USP43: variants seen among roughly 807,000 people sequenced by gnomAD.
The protein encoded by USP43 is ubiquitin carboxyl-terminal hydrolase 43.
Under a neutral mutation model 90.7 loss-of-function variants are expected in USP43, and 33 were observed. That is an observed-to-expected ratio of 0.36 (90% CI 0.28 to 0.49). USP43 has a LOEUF of 0.49. USP43 is among the 20% of genes least tolerant of loss of function. The probability of loss-of-function intolerance (pLI) is 0.98; values close to 1 mark genes in which losing one functional copy is unlikely to be tolerated. For synonymous variants in USP43, 598 were observed against 615.8 expected, an observed-to-expected ratio of 0.97 and a Z score of 0.43; for missense variants, 1,274 against 1,476.4, an observed-to-expected ratio of 0.86 and a Z score of 2.25.
At chr17:9,706,783 A>C (rs947686882) in intron 12 of USP43, among the ~76,000 whole-genome samples, 1 of 151,732 alleles carries the variant, frequency 6.6e-6, no homozygotes, top group Non-Finnish European at 1.5e-5. Flanking sequence ...AGCTGGGACT[A>C]CAGGCGGGTG....
rs149913558 is a variant in USP43, at chr17:9,711,786, A to G, written c.2171-182A>G. ...TCCCTAAACTTTTAAGCTTAGTCAC[A>G]TGGGAAACCCGATCACAGGTTTCCC... On this transcript the variant is annotated intron_variant, in intron 13 of 14. Coordinates refer to ENST00000285199, the MANE Select transcript of USP43 (RefSeq NM_153210.5). Among the ~76,000 whole-genome samples, 327 of 152,266 alleles carry G rather than the reference A, an allele frequency of 2.1e-3. 1 individual carries two copies. The highest frequency in any genetic ancestry group is 7.4e-3 in the African/African-American group (306 of 41,560).
At chr17:9,690,903 C>A (rs1914905382) in intron 8 of USP43, among the ~76,000 whole-genome samples, 1 of 152,042 alleles carries the variant, frequency 6.6e-6, no homozygotes, top group Non-Finnish European at 1.5e-5. Flanking sequence ...ACAAACTATA[C>A]CTATTAAACA....
intron 14 of USP43, among the ~76,000 whole-genome samples, chr17:9,726,587 T>C (rs1042335928): frequency 7.9e-5 from 12 of 152,124 alleles, no homozygotes; most frequent in African/African-American, 2.9e-4. Flanking sequence ...AACCTCTTCT[T>C]AGAAGGTCAC....
At chr17:9,708,791 C>G (rs373627020) in intron 12 of USP43, among the ~76,000 whole-genome samples, 6 of 152,178 alleles carry the variant, frequency 3.9e-5, no homozygotes, top group African/African-American at 1.4e-4. Context: ...CTACGCCCAG[C>G]TAATTTTTTG....
chr17:9,674,212 C>T lies in USP43; in HGVS notation c.741-679C>T, dbSNP rs72820042. 0.14 allele frequency among the ~76,000 whole-genome samples: 20,621 copies of T among 152,094 alleles called. 1,586 individuals carry two copies. The highest frequency in any genetic ancestry group is 0.29 in the East Asian group (1,475 of 5,154). On this transcript the variant is annotated intron_variant, in intron 3 of 14. Coordinates refer to ENST00000285199, the MANE Select transcript of USP43 (RefSeq NM_153210.5). This position sits in a 1 kb window ranked among gnomAD's most constrained non-coding sequence, Gnocchi z 4.4. ...ATGGCAGGGGCGGGTTATAGCTTCC[C>T]TTCCCATACTCAGTGCATTTATGTG...
At chr17:9,648,729 A>C (rs1310044107) in intron 1 of USP43, among the ~76,000 whole-genome samples, 1 of 151,938 alleles carries the variant, frequency 6.6e-6, no homozygotes, top group Admixed American at 6.6e-5. Flanking sequence ...GGGCCGAGAG[A>C]CCTTCAGTTC....
chr17:9,719,653 C>T (rs952411184), intron 14 of USP43, among the ~76,000 whole-genome samples: 11 of 152,184 alleles, frequency 7.2e-5, no homozygotes, highest in Admixed American at 3.3e-4. Context: ...AGATTAGAGT[C>T]GCTTTCACAT....
At chr17:9,684,694 C>T (rs1242460551) in intron 7 of USP43, among the ~76,000 whole-genome samples, 2 of 135,420 alleles carry the variant, frequency 1.5e-5, no homozygotes, top group Admixed American at 8.6e-5. Flanking sequence ...ACCCGGGAGG[C>T]GGAGGTTGCG....
At chr17:9,681,746 A>G (rs1914305018) in intron 6 of USP43, among the ~76,000 whole-genome samples, 1 of 151,620 alleles carries the variant, frequency 6.6e-6, no homozygotes, top group Admixed American at 6.6e-5. Flanking sequence ...CACCTGCCTC[A>G]GCCTCCGAAA....
At chr17:9,676,931 C>T (rs1913825064) in intron 5 of USP43, 50 bp downstream of exon 5, 1 of 1,590,094 alleles carries the variant, frequency 6.3e-7, no homozygotes, top group Non-Finnish European at 8.6e-7. Context: ...AGAATGCTAA[C>T]TGAGCCAGCT....
intron 2 of USP43, among the ~76,000 whole-genome samples, chr17:9,658,769 AC>A (rs2151964710): frequency 6.6e-6 from 1 of 152,336 alleles, no homozygotes; most frequent in South Asian, 2.1e-4. Flanking sequence ...CAAGGGTCAA[AC>A]CAGCTTCAGG....
rs1913641373 is a variant in USP43 at position 9,674,526 on chromosome 17, G to A, written c.741-365G>A. Among the ~76,000 whole-genome samples the A allele has an allele frequency of 1.3e-5, 2 of 152,140 alleles. No individual in the cohort carries two copies. The highest frequency in any genetic ancestry group is 1.3e-4 in the Admixed American group (2 of 15,266). On this transcript the variant is annotated intron_variant, in intron 3 of 14. Coordinates refer to ENST00000285199, the MANE Select transcript of USP43 (RefSeq NM_153210.5). The surrounding 1 kb of genome is among the most constrained non-coding windows in gnomAD (Gnocchi z 4.4). ...ATATAAACGGGATCGTACAATATGTGGGCTTTCATGTCTGGCTTCTTTCAC... is the reference window on the plus strand; with the variant it reads ...ATATAAACGGGATCGTACAATATGTAGGCTTTCATGTCTGGCTTCTTTCAC...
At chr17:9,725,314 G>A (rs562080511) in intron 14 of USP43, among the ~76,000 whole-genome samples, 4 of 152,018 alleles carry the variant, frequency 2.6e-5, no homozygotes, top group South Asian at 2.1e-4. Flanking sequence ...GAATCTTCTC[G>A]GGGTGGGGTG....
At chr17:9,715,568 CTGTGTGTGTGTCTGTGTGTTTGTGTCTT>C (rs1567681465) in intron 14 of USP43, among the ~76,000 whole-genome samples, 1 of 143,854 alleles carries the variant, frequency 7.0e-6, no homozygotes, top group African/African-American at 2.6e-5. Context: ...GTGTGTGTCT[CTGTGTGTGTGTCTGTGTGTTTGTGTCTT>C]TGTGTGTGTG....
In USP43 at chr17:9,711,828, G is replaced by A. The variant is rs572645030; in HGVS notation, c.2171-140G>A. The A allele has an allele frequency of 1.5e-4, 145 of 951,056 alleles. No individual in the cohort carries two copies. In the African/African-American group the frequency reaches 2.2e-3, roughly 14 times the overall value. The allele number at this position is 951,056 out of a possible 1,614,324, so 58.9% of individuals were successfully genotyped here. On this transcript the variant is annotated intron_variant, in intron 13 of 14. Coordinates refer to ENST00000285199, the MANE Select transcript of USP43 (RefSeq NM_153210.5). ...AGGTTTCCCCTCTCCTTGTTGACAG[G>A]TTTCTGCAGTTCTGTTCTGGTTCTG...
intron 9 of USP43, among the ~76,000 whole-genome samples, chr17:9,696,935 G>A (rs1057240504): frequency 5.3e-5 from 8 of 152,212 alleles, no homozygotes; most frequent in Admixed American, 2.0e-4. Flanking sequence ...TAAATTTTTG[G>A]GCCAGGCACG....
intron 5 of USP43, 87 bp downstream of exon 5, chr17:9,676,968 G>T: frequency 6.6e-7 from 1 of 1,511,104 alleles, no homozygotes; most frequent in Non-Finnish European, 8.9e-7. Flanking sequence ...CCAATTTGTG[G>T]TTCCCAGGTG....
chr17:9,728,090 A>G lies in USP43; in HGVS notation c.2472A>G (p.Lys824=). 6.2e-7 allele frequency: 1 copy of G among 1,613,712 alleles called. No individual in the cohort carries two copies. The highest frequency in any genetic ancestry group is 8.5e-7 in the Non-Finnish European group (1 of 1,179,830). ...PLRWSFGSKE[K]PPGASVELVE... is the part of the protein sequence containing the mutation. ...GGTGGTCCTTTGGATCCAAGGAGAA[A>G]CCACCAGGTGCCTCCGTCGAGTTGG... The change falls in exon 15 of 15, where the codon AAA becomes AAG. Residue 824 remains lysine (K), a synonymous_variant. Transcript: ENST00000285199. The surrounding 1 kb of genome is among the most constrained non-coding windows in gnomAD (Gnocchi z 6.2).
At chr17:9,700,749 C>A (rs1915518804) in intron 10 of USP43, among the ~76,000 whole-genome samples, 1 of 152,154 alleles carries the variant, frequency 6.6e-6, no homozygotes, top group African/African-American at 2.4e-5. Context: ...GGAGTCCATG[C>A]TCCTCATCAC....
Sources: gnomAD v4.1 joint callset for allele counts (sites outside exome capture counted in the v4.1 genomes callset) on GRCh38, gnomAD v4.1.1 for gene constraint, Gnocchi (gnomAD v3.1) non-coding constraint, MANE v1.5 for transcripts, NCBI Gene and HGNC (gene_info 2026-07-23, HGNC 2026-07-21) for gene names.